The following CNTNAP2 variants were observed in gnomAD, a reference collection of about 807,000 sequenced individuals.
The protein encoded by CNTNAP2 is contactin-associated protein-like 2.
Under a neutral mutation model 155.2 loss-of-function variants are expected in CNTNAP2, and 98 were observed. That is an observed-to-expected ratio of 0.63 (90% confidence interval 0.54 to 0.75). The LOEUF (loss-of-function observed/expected upper bound fraction) is 0.75, where lower values mean the gene tolerates loss of function less well. Ranked by LOEUF, CNTNAP2 falls within the 30% of genes least tolerant of loss-of-function variation. CNTNAP2 has a pLI of 0.00. For missense variants in CNTNAP2, 1,727 were observed against 1,688.1 expected, an observed-to-expected ratio of 1.02 and a Z score of -0.40; for synonymous variants, 651 against 631.2, an observed-to-expected ratio of 1.03 and a Z score of -0.47.
intron 1 of CNTNAP2, among the ~76,000 whole-genome samples, chr7:146,351,449 G>A (rs796517975): frequency 7.2e-5 from 11 of 152,116 alleles, no homozygotes; most frequent in African/African-American, 2.6e-4. Context: ...TTTCAAAACA[G>A]CAAAAATGCT....
intron 13 of CNTNAP2, among the ~76,000 whole-genome samples, chr7:147,797,876 T>C (rs373457003): frequency 6.6e-6 from 1 of 152,166 alleles, no homozygotes; most frequent in East Asian, 1.9e-4. Context: ...GATTAAAAAT[T>C]TCAACATAAA....
chr7:146,297,910 TA>T (rs151199848), intron 1 of CNTNAP2, among the ~76,000 whole-genome samples: 4 of 151,974 alleles, frequency 2.6e-5, no homozygotes, highest in African/African-American at 9.7e-5. Context: ...CACACGTAAA[TA>T]AAAAAAACTT....
At chr7:147,590,577 A>G (rs145438216) in intron 12 of CNTNAP2, among the ~76,000 whole-genome samples, 218 of 152,266 alleles carry the variant, frequency 1.4e-3, no homozygotes, top group African/African-American at 4.8e-3. Context: ...TAAATTACCC[A>G]GTCTGTTATT....
chr7:147,180,464 TCCAACTTAAAATAGAATTA>T (rs1299503254), intron 8 of CNTNAP2, among the ~76,000 whole-genome samples: 2 of 152,220 alleles, frequency 1.3e-5, no homozygotes, highest in Admixed American at 1.3e-4. Context: ...CTGCCCCATT[TCCAACTTAAAATAGAATTA>T]CCAACTTAAA....
chr7:147,391,467 T>G (rs1167898971), intron 9 of CNTNAP2, among the ~76,000 whole-genome samples: 1 of 152,106 alleles, frequency 6.6e-6, no homozygotes, highest in Admixed American at 6.6e-5. Flanking sequence ...CTCTGTCCCT[T>G]TCAGTACAAG....
chr7:148,185,893 A>G (rs1271665213), intron 18 of CNTNAP2, among the ~76,000 whole-genome samples: 1 of 152,228 alleles, frequency 6.6e-6, no homozygotes, highest in Non-Finnish European at 1.5e-5. Flanking sequence ...CTATTAACTA[A>G]GTTAAAATGT....
intron 15 of CNTNAP2, among the ~76,000 whole-genome samples, chr7:148,034,448 G>A (rs1802536935): frequency 6.6e-6 from 1 of 152,102 alleles, no homozygotes; most frequent in Admixed American, 6.6e-5. Context: ...GTGGATTCAT[G>A]GTCTTGGGAG....
intron 1 of CNTNAP2, among the ~76,000 whole-genome samples, chr7:146,469,495 G>A (rs1260858299): frequency 6.7e-6 from 1 of 149,056 alleles, no homozygotes; most frequent in East Asian, 1.9e-4. Context: ...AACTTCAGAG[G>A]TAACCACTGT....
At chr7:147,072,584 A>T (rs1799914267) in intron 4 of CNTNAP2, among the ~76,000 whole-genome samples, 1 of 152,114 alleles carries the variant, frequency 6.6e-6, no homozygotes, top group Non-Finnish European at 1.5e-5. Context: ...CAGAGTGGAA[A>T]TATCTGGGAG....
chr7:147,229,362 G>T (rs1248209453), intron 8 of CNTNAP2, among the ~76,000 whole-genome samples: 1 of 152,152 alleles, frequency 6.6e-6, no homozygotes, highest in African/African-American at 2.4e-5. Context: ...ATCAATAAAA[G>T]CATTGAGGAT....
In CNTNAP2 at chr7:148,212,708, GC is replaced by G. The variant is rs201316072; in HGVS notation, c.3011-4579del. On this transcript the variant is annotated intron_variant, in intron 18 of 23. Transcript: ENST00000361727. Reference sequence around the variant, plus strand: ...TTCATTCAGAAGAGATGAGAGAATTGCTTTCTTTTAGAATATCTTTTAGATA... The same window carrying G: ...TTCATTCAGAAGAGATGAGAGAATTGTTTCTTTTAGAATATCTTTTAGATA... 9.1e-4 allele frequency among the ~76,000 whole-genome samples: 138 copies of G among 152,226 alleles called. 1 individual carries two copies. The East Asian group carries it at 0.025, about 27-fold the overall frequency.
chr7:148,123,998 G>C (rs905580770), intron 16 of CNTNAP2, among the ~76,000 whole-genome samples: 1 of 152,124 alleles, frequency 6.6e-6, no homozygotes, highest in Non-Finnish European at 1.5e-5. Flanking sequence ...ATCAAGAGAG[G>C]GTGGTTTTGT....
At chr7:146,970,754 A>T (rs1328649623) in intron 3 of CNTNAP2, among the ~76,000 whole-genome samples, 1 of 152,216 alleles carries the variant, frequency 6.6e-6, no homozygotes, top group Admixed American at 6.5e-5. Context: ...ATAAAAACAC[A>T]TGCACACGTA....
intron 1 of CNTNAP2, among the ~76,000 whole-genome samples, chr7:146,214,676 A>G (rs1799087245): frequency 1.3e-5 from 2 of 152,196 alleles, no homozygotes; most frequent in Admixed American, 1.3e-4. Flanking sequence ...CATAATCTTC[A>G]ATCTATAATG....
intron 1 of CNTNAP2, among the ~76,000 whole-genome samples, chr7:146,508,088 C>G (rs998328528): frequency 6.6e-6 from 1 of 152,218 alleles, no homozygotes; most frequent in Non-Finnish European, 1.5e-5. Flanking sequence ...CAAGTTCCGT[C>G]AGGCTTTCTG....
intron 14 of CNTNAP2, among the ~76,000 whole-genome samples, chr7:147,944,956 C>T (rs1428307856): frequency 1.3e-5 from 2 of 152,088 alleles, no homozygotes; most frequent in Non-Finnish European, 2.9e-5. Context: ...TTGCTGCCTG[C>T]CAATTACAGA....
At chr7:148,347,086 G>A (rs1053975995) in intron 21 of CNTNAP2, among the ~76,000 whole-genome samples, 5 of 151,326 alleles carry the variant, frequency 3.3e-5, no homozygotes, top group Admixed American at 2.0e-4. Flanking sequence ...GTGAAACCCC[G>A]TCTCTACTAA....
At chr7:146,353,997 A>G (rs1563051954) in intron 1 of CNTNAP2, among the ~76,000 whole-genome samples, 1 of 152,204 alleles carries the variant, frequency 6.6e-6, no homozygotes, top group Non-Finnish European at 1.5e-5. Context: ...CTAAGTCACC[A>G]TAGGCCCTTC....
At chr7:146,836,209 G>T (rs1461060903) in intron 2 of CNTNAP2, among the ~76,000 whole-genome samples, 2 of 151,764 alleles carry the variant, frequency 1.3e-5, no homozygotes, top group African/African-American at 2.4e-5. Flanking sequence ...TGTGAGATAT[G>T]ATTTCGATAT....
Sources: allele counts gnomAD v4.1 joint callset (sites outside exome capture counted in the v4.1 genomes callset), GRCh38; gene constraint gnomAD v4.1.1; transcripts MANE v1.5; gene names NCBI Gene and HGNC (gene_info 2026-07-23, HGNC 2026-07-21).